OCM: variants seen among roughly 807,000 people sequenced by gnomAD.
The protein encoded by OCM is oncomodulin-1.
Under a neutral mutation model 14.1 loss-of-function variants are expected in OCM, and 18 were observed. That is an observed-to-expected ratio of 1.28 (90% CI 0.88 to 1.89). The LOEUF (loss-of-function observed/expected upper bound fraction) is 1.89, where lower values mean the gene tolerates loss of function less well. OCM is among the 40% of genes most tolerant of loss of function. The probability of loss-of-function intolerance (pLI) is 0.00; values close to 1 mark genes in which losing one functional copy is unlikely to be tolerated. For missense variants in OCM, 140 were observed against 137.6 expected, an observed-to-expected ratio of 1.02 and a Z score of -0.09; for synonymous variants, 48 against 51.0, an observed-to-expected ratio of 0.94 and a Z score of 0.25.
the OCM span, among the ~76,000 whole-genome samples, chr7:5,860,477 GTATA>G: frequency 2.7e-5 from 1 of 36,398 alleles, no homozygotes; most frequent in South Asian, 8.1e-4. Flanking sequence ...ATATATACGT[GTATA>G]TATACGTGTA....
chr7:5,883,809 T>C (rs767641666), intron 2 of OCM, 81 bp from the exon 3 acceptor site: 443 of 1,542,114 alleles, frequency 2.9e-4, no homozygotes, highest in Non-Finnish European at 3.7e-4. Context: ...ACAGGTGATA[T>C]GCTTAGAGGA....
chr7:5,870,811 G>C, the OCM span, among the ~76,000 whole-genome samples: 1 of 152,194 alleles, frequency 6.6e-6, no homozygotes, highest in Middle Eastern at 3.4e-3. Flanking sequence ...GCACCCCATG[G>C]CCCACTCAAA....
chr7:5,863,447 G>C, the OCM span, among the ~76,000 whole-genome samples: 2 of 152,202 alleles, frequency 1.3e-5, no homozygotes, highest in Non-Finnish European at 2.9e-5. Context: ...GGAGTACGTG[G>C]AGTGACGTGC....
At chr7:5,863,443 C>T in the OCM span, among the ~76,000 whole-genome samples, 2 of 151,458 alleles carry the variant, frequency 1.3e-5, no homozygotes, top group Non-Finnish European at 2.9e-5. Flanking sequence ...AGAGGGAGTA[C>T]GTGGAGTGAC....
the OCM span, among the ~76,000 whole-genome samples, chr7:5,874,068 A>T: frequency 6.7e-6 from 1 of 149,882 alleles, no homozygotes; most frequent in Non-Finnish European, 1.5e-5. Flanking sequence ...ATAAAAAAAA[A>T]AAAAAATTAG....
the OCM span, among the ~76,000 whole-genome samples, chr7:5,867,965 T>C: frequency 1.4e-4 from 21 of 152,140 alleles, no homozygotes; most frequent in South Asian, 8.3e-4. Context: ...CTCAAACTCC[T>C]GAGCTCTAGT....
upstream of OCM, chr7:5,880,794 G>GA: frequency 8.6e-7 from 1 of 1,166,756 alleles, no homozygotes; most frequent in South Asian, 1.3e-5. Context: ...CACACATACA[G>GA]TTTCAGTGGG....
At chr7:5,873,543 C>A in the OCM span, among the ~76,000 whole-genome samples, 2 of 152,054 alleles carry the variant, frequency 1.3e-5, no homozygotes, top group East Asian at 3.9e-4. Context: ...TGGGTTCTTG[C>A]CATGTGACCC....
In OCM at chr7:5,883,944, C is replaced by G. The variant is rs1483686145; in HGVS notation, c.249C>G (p.Thr83=). The change falls in exon 3 of 4, where the codon ACC becomes ACG. Residue 83 remains threonine (T), a synonymous_variant. Transcript: ENST00000242104. ...SGARELTESE[T]KSLMAAADND... ...CCAGAGAACTGACCGAGTCAGAAAC[C>G]AAGTCCTTGATGGCTGCGGCGGATA... 6 of 1,613,378 alleles carry G rather than the reference C, an allele frequency of 3.7e-6. No homozygotes were observed. The highest frequency in any genetic ancestry group is 5.1e-6 in the Non-Finnish European group (6 of 1,179,758).
At chr7:5,877,428 A>G (rs1017392159), upstream of OCM, among the ~76,000 whole-genome samples, 10 of 151,974 alleles carry the variant, frequency 6.6e-5, no homozygotes, top group African/African-American at 2.4e-4. Flanking sequence ...AGATCACACT[A>G]CCACATTCCA....
upstream of OCM, among the ~76,000 whole-genome samples, chr7:5,879,609 C>T (rs1781166750): frequency 1.3e-5 from 2 of 152,018 alleles, no homozygotes; most frequent in African/African-American, 4.8e-5. Flanking sequence ...TCCACCTTAC[C>T]AGGCATCTAG....
At chr7:5,877,442 C>T (rs117419850), upstream of OCM, among the ~76,000 whole-genome samples, 2,248 of 151,766 alleles carry the variant, frequency 0.015, 30 homozygotes, top group Non-Finnish European at 0.025. Flanking sequence ...CATTCCAGCC[C>T]GAAGAGCGAA....
the OCM span, among the ~76,000 whole-genome samples, chr7:5,870,953 C>G: frequency 4.0e-5 from 6 of 151,652 alleles, no homozygotes; most frequent in South Asian, 4.2e-4. Context: ...ATGGCATGAT[C>G]TCAGCTCACC....
the OCM span, among the ~76,000 whole-genome samples, chr7:5,869,180 AAG>A: frequency 6.6e-6 from 1 of 152,192 alleles, no homozygotes; most frequent in Non-Finnish European, 1.5e-5. Flanking sequence ...TCAGGAATAA[AAG>A]AGAGAAGAGA....
chr7:5,883,224 G>A (rs1194299367), intron 2 of OCM, among the ~76,000 whole-genome samples: 6 of 152,246 alleles, frequency 3.9e-5, no homozygotes, highest in African/African-American at 1.4e-4. Flanking sequence ...AGTGGCTCAC[G>A]CCTGTAATTC....
At chr7:5,874,264 C>G in the OCM span, among the ~76,000 whole-genome samples, 4 of 142,794 alleles carry the variant, frequency 2.8e-5, no homozygotes, top group Non-Finnish European at 6.1e-5. Context: ...GATCTATTTC[C>G]ACATCTTCCT....
the OCM span, among the ~76,000 whole-genome samples, chr7:5,874,671 ATTT>A: frequency 6.6e-6 from 1 of 151,498 alleles, no homozygotes. Context: ...TGTCTGGCTA[ATTT>A]TTTTTATTTT....
chr7:5,868,467 C>G, the OCM span, among the ~76,000 whole-genome samples: 1 of 152,122 alleles, frequency 6.6e-6, no homozygotes, highest in Non-Finnish European at 1.5e-5. Flanking sequence ...TTATTTCAGC[C>G]TTTTCTTCCC....
the OCM span, among the ~76,000 whole-genome samples, chr7:5,871,342 G>A: frequency 6.8e-6 from 1 of 146,462 alleles, no homozygotes; most frequent in Non-Finnish European, 1.5e-5. Context: ...GTGACAGAGT[G>A]AGTCCTTGTC....
Sources: gnomAD v4.1 joint callset for allele counts (sites outside exome capture counted in the v4.1 genomes callset) on GRCh38, gnomAD v4.1.1 for gene constraint, MANE v1.5 for transcripts, NCBI Gene and HGNC (gene_info 2026-07-23, HGNC 2026-07-21) for gene names.